The following GLIS3 variants were observed in gnomAD, a reference collection of about 807,000 sequenced individuals.
GLIS3 encodes GLIS family zinc finger 3.
In GLIS3, 53 loss-of-function variants were observed where a neutral mutation model predicts 78.6. The ratio of observed to expected loss-of-function variants is 0.67; its 90% CI spans 0.54 to 0.85. GLIS3 has a LOEUF of 0.85. Ranked by LOEUF, GLIS3 falls within the 40% of genes least tolerant of loss-of-function variation. The pLI is 0.00. For missense variants in GLIS3, 1,703 were observed against 1,231.1 expected, an observed-to-expected ratio of 1.38 and a Z score of -5.74; for synonymous variants, 684 against 509.9, an observed-to-expected ratio of 1.34 and a Z score of -4.60.
Position 4,032,538 on chromosome 9 carries a change from T to C in GLIS3, c.1710+85230A>G, listed in dbSNP as rs75695361. On this transcript the variant is annotated intron_variant, in intron 4 of 10. Transcript: ENST00000381971. ...TATTTAGAGATGGCAGAATGGCTCATAAAACAAACTGAAGGCGTAGAGCTA... is the reference window on the plus strand; with the variant it reads ...TATTTAGAGATGGCAGAATGGCTCACAAAACAAACTGAAGGCGTAGAGCTA... Among the ~76,000 whole-genome samples the C allele has an allele frequency of 5.7e-3, 875 of 152,320 alleles. 9 individuals are homozygous for C. The highest frequency in any genetic ancestry group is 0.02 in the African/African-American group (831 of 41,568).
At chr9:4,247,820 G>C (rs1017837548) in intron 2 of GLIS3, among the ~76,000 whole-genome samples, 2 of 152,116 alleles carry the variant, frequency 1.3e-5, no homozygotes, top group African/African-American at 4.8e-5. Flanking sequence ...GTGATGTTTT[G>C]ATATATGTCT....
At chr9:4,027,145 C>T (rs1563962155) in intron 4 of GLIS3, among the ~76,000 whole-genome samples, 1 of 152,216 alleles carries the variant, frequency 6.6e-6, no homozygotes, top group Non-Finnish European at 1.5e-5. Context: ...CAGTTCCACT[C>T]ACACAGTAGT....
At chr9:4,185,402 T>C (rs778691748) in intron 2 of GLIS3, among the ~76,000 whole-genome samples, 2 of 152,216 alleles carry the variant, frequency 1.3e-5, no homozygotes, top group African/African-American at 4.8e-5. Context: ...TTATAAAGAA[T>C]GCTGCCATGA....
intron 10 of GLIS3, 76 bp from the exon 11 acceptor site, chr9:3,828,484 G>A: frequency 5.1e-6 from 8 of 1,579,404 alleles, no homozygotes; most frequent in Non-Finnish European, 6.0e-6. Flanking sequence ...CTACAGTAAT[G>A]CAGCTCACCA....
chr9:3,935,138 TAATG>T (rs1215111914), intron 5 of GLIS3, among the ~76,000 whole-genome samples: 1 of 152,150 alleles, frequency 6.6e-6, no homozygotes, highest in African/African-American at 2.4e-5. Context: ...AAGGAGTGAT[TAATG>T]AAAGGGAACA....
chr9:4,291,961 G>A (rs1188690040), intron 1 of GLIS3, among the ~76,000 whole-genome samples: 1 of 152,120 alleles, frequency 6.6e-6, no homozygotes, highest in Non-Finnish European at 1.5e-5. Context: ...AAGGTCTAGA[G>A]AGCCATGGTC....
chr9:4,440,039 T>C, the GLIS3 span, among the ~76,000 whole-genome samples: 1 of 152,200 alleles, frequency 6.6e-6, no homozygotes, highest in African/African-American at 2.4e-5. Flanking sequence ...TTGTAATAGG[T>C]TTGTTTTCTT....
chr9:3,969,021 C>T (rs1454107145), intron 4 of GLIS3, among the ~76,000 whole-genome samples: 1 of 152,162 alleles, frequency 6.6e-6, no homozygotes, highest in Non-Finnish European at 1.5e-5. Flanking sequence ...CATTGTGTCA[C>T]AGAAGCAATT....
At chr9:4,172,433 G>C (rs1277666060) in intron 2 of GLIS3, among the ~76,000 whole-genome samples, 1 of 152,088 alleles carries the variant, frequency 6.6e-6, no homozygotes, top group Non-Finnish European at 1.5e-5. Context: ...ACATTAATTG[G>C]GAATCTGGAG....
chr9:4,012,746 GTTTCTTTTTTTTCTT>G (rs1822119394), intron 4 of GLIS3, among the ~76,000 whole-genome samples: 2 of 127,470 alleles, frequency 1.6e-5, no homozygotes, highest in Non-Finnish European at 3.4e-5. Context: ...CATATCTCTG[GTTTCTTTTTTTTCTT>G]TTTCTTTTTT....
chr9:3,986,828 A>C (rs1468367043), intron 4 of GLIS3, among the ~76,000 whole-genome samples: 1 of 152,238 alleles, frequency 6.6e-6, no homozygotes, highest in Admixed American at 6.5e-5. Flanking sequence ...CCATGTGCTA[A>C]ACTTAACAGG....
chr9:4,031,246 A>G (rs1190802160), intron 4 of GLIS3, among the ~76,000 whole-genome samples: 2 of 152,252 alleles, frequency 1.3e-5, no homozygotes, highest in Non-Finnish European at 2.9e-5. Context: ...TTCCATCAAC[A>G]GATGAATGAA....
the GLIS3 span, among the ~76,000 whole-genome samples, chr9:4,411,059 T>C: frequency 6.6e-6 from 1 of 152,124 alleles, no homozygotes; most frequent in Non-Finnish European, 1.5e-5. Context: ...GCAAACAAAA[T>C]GATAAAACTA....
intron 4 of GLIS3, among the ~76,000 whole-genome samples, chr9:4,069,825 A>G (rs748139175): frequency 3.3e-5 from 5 of 152,058 alleles, no homozygotes; most frequent in Non-Finnish European, 5.9e-5. Context: ...TGTGCATTTT[A>G]GAAGAAAAAC....
At chr9:4,131,684 G>C (rs1157358047) in intron 2 of GLIS3, among the ~76,000 whole-genome samples, 1 of 152,272 alleles carries the variant, frequency 6.6e-6, no homozygotes, top group Admixed American at 6.5e-5. Flanking sequence ...TAAGCCTGCA[G>C]AACTGTGAAC....
chr9:4,396,235 C>G, the GLIS3 span, among the ~76,000 whole-genome samples: 1 of 152,084 alleles, frequency 6.6e-6, no homozygotes, highest in Non-Finnish European at 1.5e-5. Context: ...GCCTCAGCTT[C>G]CCAAGTAGCT....
At chr9:4,416,181 G>C in the GLIS3 span, among the ~76,000 whole-genome samples, 2 of 142,282 alleles carry the variant, frequency 1.4e-5, no homozygotes, top group African/African-American at 5.1e-5. Context: ...GAGCCCAGGA[G>C]GTTGAGGCAG....
the GLIS3 span, among the ~76,000 whole-genome samples, chr9:4,401,498 G>A: frequency 0.016 from 2,421 of 151,432 alleles, 74 homozygotes; most frequent in African/African-American, 0.055. Flanking sequence ...TCTCAACCTC[G>A]GGTAATCCAC....
chr9:4,059,689 C>G (rs1272794218), intron 4 of GLIS3, among the ~76,000 whole-genome samples: 2 of 152,116 alleles, frequency 1.3e-5, no homozygotes, highest in Non-Finnish European at 2.9e-5. Context: ...AGTTGGGCTA[C>G]TTTCTTCTCA....
Sources: gnomAD v4.1 joint callset for allele counts (sites outside exome capture counted in the v4.1 genomes callset) on GRCh38, gnomAD v4.1.1 for gene constraint, MANE v1.5 for transcripts, NCBI Gene and HGNC (gene_info 2026-07-23, HGNC 2026-07-21) for gene names.